Variants in NR3C2 observed in about 807,000 individuals in gnomAD.
The protein encoded by NR3C2 is nuclear receptor subfamily 3 group C member 2, also known as mineralocorticoid receptor.
In NR3C2, 15 loss-of-function variants were observed where a neutral mutation model predicts 86.4. That is an observed-to-expected ratio of 0.17 (90% CI 0.12 to 0.27). NR3C2 has a LOEUF of 0.27. Among genes scored for constraint, NR3C2 ranks in the 10% least tolerant of loss-of-function variants. The pLI, the probability that NR3C2 is intolerant of heterozygous loss-of-function variation, is 1.00. For missense variants in NR3C2, 960 were observed against 1,195.6 expected, an observed-to-expected ratio of 0.80 and a Z score of 2.91; for synonymous variants, 458 against 450.5, an observed-to-expected ratio of 1.02 and a Z score of -0.21.
chr4:148,345,406 T>A (rs551053921), intron 2 of NR3C2, among the ~76,000 whole-genome samples: 1 of 152,098 alleles, frequency 6.6e-6, no homozygotes, highest in Non-Finnish European at 1.5e-5. Context: ...AAAAAATACA[T>A]CGTTTTTCAA....
chr4:148,194,347 A>G (rs1736344136), intron 4 of NR3C2, among the ~76,000 whole-genome samples: 3 of 152,166 alleles, frequency 2.0e-5, no homozygotes, highest in African/African-American at 7.2e-5. Context: ...TTTCTTTATT[A>G]CACATACTTC....
At chr4:148,267,114 T>C (rs1041176747) in intron 2 of NR3C2, among the ~76,000 whole-genome samples, 2 of 152,196 alleles carry the variant, frequency 1.3e-5, no homozygotes, top group Non-Finnish European at 2.9e-5. Context: ...GTGCCACACT[T>C]TCCTTATCTG....
chr4:148,142,754 C>A (rs1733672845), intron 6 of NR3C2, among the ~76,000 whole-genome samples: 1 of 152,204 alleles, frequency 6.6e-6, no homozygotes, highest in Non-Finnish European at 1.5e-5. Context: ...GCCTGCATGG[C>A]CTCCCGAAGT....
chr4:148,125,557 CT>C (rs1732704861), intron 6 of NR3C2, among the ~76,000 whole-genome samples: 1 of 152,094 alleles, frequency 6.6e-6, no homozygotes, highest in Non-Finnish European at 1.5e-5. Context: ...AAAAACATTT[CT>C]TTTGAGCTTG....
intron 2 of NR3C2, among the ~76,000 whole-genome samples, chr4:148,300,706 G>A (rs535007024): frequency 3.3e-5 from 5 of 151,058 alleles, no homozygotes; most frequent in African/African-American, 9.7e-5. Context: ...CCAAGTAGCC[G>A]GGATTACAGG....
chr4:148,288,140 T>C (rs2149904555), intron 2 of NR3C2, among the ~76,000 whole-genome samples: 1 of 152,358 alleles, frequency 6.6e-6, no homozygotes, highest in East Asian at 1.9e-4. Context: ...GTATAAGTGA[T>C]ACACATTTTA....
At chr4:148,124,832 A>C (rs778974396) in intron 6 of NR3C2, among the ~76,000 whole-genome samples, 12 of 152,142 alleles carry the variant, frequency 7.9e-5, no homozygotes, top group Non-Finnish European at 1.8e-4. Context: ...TCTTTTCCAT[A>C]TAATCTACCA....
At chr4:148,372,087 G>A (rs569486655) in intron 2 of NR3C2, among the ~76,000 whole-genome samples, 2 of 152,228 alleles carry the variant, frequency 1.3e-5, no homozygotes, top group Non-Finnish European at 2.9e-5. Flanking sequence ...AAAACTTGAA[G>A]TAAAATACAC....
intron 4 of NR3C2, among the ~76,000 whole-genome samples, chr4:148,161,643 C>T (rs1257703640): frequency 6.6e-6 from 1 of 152,106 alleles, no homozygotes; most frequent in Non-Finnish European, 1.5e-5. Flanking sequence ...GTGTGTAAAG[C>T]TATCCACAGA....
Position 148,298,727 on chromosome 4 carries a change from C to T in NR3C2, c.1758-38610G>A, listed in dbSNP as rs185258835. Among the ~76,000 whole-genome samples, 10 of 152,344 alleles carry T rather than the reference C, an allele frequency of 6.6e-5. 1 individual carries two copies. Among genetic ancestry groups the T allele is most frequent in the African/African-American group, 2.4e-4 (10 of 41,592 alleles). ...AGCACTTGGGCTGATCAGAGTTCAA[C>T]AAAGCACACAAATTCTAGTTACCCT... On this transcript the variant is annotated intron_variant, in intron 2 of 8. Transcript: ENST00000358102.
At chr4:148,163,027 G>A (rs1734734369) in intron 4 of NR3C2, among the ~76,000 whole-genome samples, 1 of 152,208 alleles carries the variant, frequency 6.6e-6, no homozygotes, top group Admixed American at 6.5e-5. Flanking sequence ...AAAACTTAAA[G>A]AGACATTGGC....
At chr4:148,393,817 A>G (rs1747713914) in intron 2 of NR3C2, among the ~76,000 whole-genome samples, 1 of 152,208 alleles carries the variant, frequency 6.6e-6, no homozygotes, top group Non-Finnish European at 1.5e-5. Context: ...CTTGACTGGA[A>G]TACTCTGAAG....
chr4:148,358,396 T>C (rs935875876), intron 2 of NR3C2, among the ~76,000 whole-genome samples: 3 of 144,296 alleles, frequency 2.1e-5, no homozygotes, highest in Non-Finnish European at 4.5e-5. Flanking sequence ...CCGCATATTC[T>C]CACTCATAGG....
Position 148,337,046 on chromosome 4 carries a change from T to G in NR3C2, c.1758-76929A>C, listed in dbSNP as rs577891252. Among the ~76,000 whole-genome samples the G allele has an allele frequency of 1.6e-3, 248 of 152,272 alleles. 2 individuals are homozygous for G. Among genetic ancestry groups the G allele is most frequent in the Non-Finnish European group, 7.5e-4 (51 of 68,010 alleles). ...CTAGGCTCAAGTGATCCTCCCACTG[T>G]GGCCTCCCAAAGTGCTGGGACTACA... On this transcript the variant is annotated intron_variant, in intron 2 of 8. Coordinates refer to ENST00000358102, the MANE Select transcript of NR3C2 (RefSeq NM_000901.5).
chr4:148,147,574 T>C (rs1033263401), intron 6 of NR3C2, among the ~76,000 whole-genome samples: 3 of 152,184 alleles, frequency 2.0e-5, no homozygotes, highest in South Asian at 2.1e-4. Context: ...TTCAGTGAGG[T>C]ATGCCAGTGA....
chr4:148,163,990 G>A (rs1734776079), intron 4 of NR3C2, among the ~76,000 whole-genome samples: 1 of 152,200 alleles, frequency 6.6e-6, no homozygotes, highest in Admixed American at 6.5e-5. Context: ...GTCAAAGGGG[G>A]TGAGAAGAGG....
At chr4:148,340,012 T>C (rs1403209923) in intron 2 of NR3C2, among the ~76,000 whole-genome samples, 2 of 151,958 alleles carry the variant, frequency 1.3e-5, no homozygotes, top group African/African-American at 4.8e-5. Flanking sequence ...AAGATCTCTA[T>C]AAGAAAAACT....
At chr4:148,145,395 G>C (rs1228091011) in intron 6 of NR3C2, among the ~76,000 whole-genome samples, 2 of 152,210 alleles carry the variant, frequency 1.3e-5, no homozygotes, top group African/African-American at 4.8e-5. Flanking sequence ...ATGCCAACGT[G>C]TAAGACCCCA....
intron 3 of NR3C2, among the ~76,000 whole-genome samples, chr4:148,234,488 G>A (rs769907050): frequency 3.9e-5 from 6 of 151,954 alleles, no homozygotes; most frequent in Non-Finnish European, 7.4e-5. Flanking sequence ...TGGCTAACAC[G>A]GTGAAACCCC....
Sources: gnomAD v4.1 joint callset for allele counts (sites outside exome capture counted in the v4.1 genomes callset) on GRCh38, gnomAD v4.1.1 for gene constraint, MANE v1.5 for transcripts, NCBI Gene and HGNC (gene_info 2026-07-23, HGNC 2026-07-21) for gene names.